The following FBXO33 variants were observed in gnomAD, a reference collection of about 807,000 sequenced individuals.
FBXO33 encodes the protein F-box protein 33.
In FBXO33, 22 loss-of-function variants were observed where a neutral mutation model predicts 46.3. The ratio of observed to expected loss-of-function variants is 0.48; its 90% CI spans 0.34 to 0.68. The LOEUF (loss-of-function observed/expected upper bound fraction) is 0.68, where lower values mean the gene tolerates loss of function less well. Among genes scored for constraint, FBXO33 ranks in the 30% least tolerant of loss-of-function variants. FBXO33 has a pLI of 0.01. For missense variants in FBXO33, 692 were observed against 708.8 expected (o/e 0.98, Z 0.27); for synonymous variants, 337 against 291.3 (o/e 1.16, Z -1.60).
At chr14:39,422,985 G>A (rs2075492671) in intron 1 of FBXO33, among the ~76,000 whole-genome samples, 1 of 152,098 alleles carries the variant, frequency 6.6e-6, no homozygotes, top group Non-Finnish European at 1.5e-5. Flanking sequence ...AGCTAGGTGT[G>A]GTGGCGTGTG....
chr14:39,421,301 C>G (rs2075481904), intron 1 of FBXO33, among the ~76,000 whole-genome samples: 1 of 152,172 alleles, frequency 6.6e-6, no homozygotes, highest in African/African-American at 2.4e-5. Context: ...CTTATTTCTT[C>G]CCTTTTTTTG....
intron 1 of FBXO33, 93 bp downstream of exon 1, chr14:39,431,471 G>T: frequency 6.4e-7 from 1 of 1,573,680 alleles, no homozygotes; most frequent in East Asian, 2.3e-5. Context: ...ACTGAAGTTG[G>T]CCGGGCACGT....
At chr14:39,422,522 TCCTTACAAGAG>T (rs1183573455) in intron 1 of FBXO33, among the ~76,000 whole-genome samples, 1 of 152,338 alleles carries the variant, frequency 6.6e-6, no homozygotes, top group Admixed American at 6.5e-5. Flanking sequence ...AAAGTCAAAG[TCCTTACAAGAG>T]CCTCACAAGT....
At chr14:39,419,547 A>C (rs2075469830) in intron 1 of FBXO33, among the ~76,000 whole-genome samples, 1 of 152,154 alleles carries the variant, frequency 6.6e-6, no homozygotes, top group East Asian at 1.9e-4. Flanking sequence ...TGTGGTAATA[A>C]ACAGATGTCT....
intron 1 of FBXO33, among the ~76,000 whole-genome samples, chr14:39,431,090 T>G (rs2075544624): frequency 6.6e-6 from 1 of 152,214 alleles, no homozygotes; most frequent in African/African-American, 2.4e-5. Context: ...AGAAAATGGC[T>G]GTTACAAAAT....
intron 1 of FBXO33, among the ~76,000 whole-genome samples, chr14:39,410,444 G>A (rs1316851800): frequency 3.3e-5 from 5 of 152,130 alleles, no homozygotes; most frequent in African/African-American, 7.2e-5. Flanking sequence ...ATTTGTTGAG[G>A]ATTTTGGTAT....
chr14:39,422,122 G>A (rs922830165), intron 1 of FBXO33, among the ~76,000 whole-genome samples: 1 of 152,152 alleles, frequency 6.6e-6, no homozygotes, highest in African/African-American at 2.4e-5. Flanking sequence ...GTCAGGCCTG[G>A]TGGCGTGTGC....
intron 1 of FBXO33, among the ~76,000 whole-genome samples, chr14:39,404,977 T>C (rs2075387257): frequency 6.6e-6 from 1 of 151,920 alleles, no homozygotes; most frequent in African/African-American, 2.4e-5. Context: ...TGAAACCCCA[T>C]GTCTAATAAA....
At chr14:39,406,416 C>T (rs2075398638) in intron 1 of FBXO33, among the ~76,000 whole-genome samples, 1 of 152,130 alleles carries the variant, frequency 6.6e-6, no homozygotes, top group Non-Finnish European at 1.5e-5. Context: ...AACGGCCTTC[C>T]CTCTGTAAAC....
At chr14:39,425,979 T>C (rs767825744) in intron 1 of FBXO33, among the ~76,000 whole-genome samples, 1 of 152,156 alleles carries the variant, frequency 6.6e-6, no homozygotes, top group African/African-American at 2.4e-5. Flanking sequence ...CCAGAAGTTA[T>C]TTCCCAGAAC....
At chr14:39,402,276 A>C (rs2075372220) in intron 2 of FBXO33, 125 bp downstream of exon 2, 1 of 474,074 alleles carries the variant, frequency 2.1e-6, no homozygotes, top group African/African-American at 2.0e-5. Context: ...CACCATTAAA[A>C]CATTTCCAGG....
intron 1 of FBXO33, among the ~76,000 whole-genome samples, chr14:39,421,352 A>T (rs1011330355): frequency 5.9e-5 from 9 of 152,164 alleles, no homozygotes; most frequent in Admixed American, 6.5e-5. Context: ...CTACATGGAA[A>T]GACATATTTA....
chr14:39,404,980 C>CT (rs1224303449), intron 1 of FBXO33, among the ~76,000 whole-genome samples: 2 of 151,792 alleles, frequency 1.3e-5, no homozygotes. Flanking sequence ...AACCCCATGT[C>CT]TAATAAAAAT....
At chr14:39,412,442 T>A (rs1216172508) in intron 1 of FBXO33, among the ~76,000 whole-genome samples, 2 of 152,228 alleles carry the variant, frequency 1.3e-5, no homozygotes, top group Non-Finnish European at 2.9e-5. Flanking sequence ...GTATTTGTCC[T>A]TAAAGCTGAG....
At chr14:39,404,874 C>T (rs976260802) in intron 1 of FBXO33, among the ~76,000 whole-genome samples, 3 of 151,678 alleles carry the variant, frequency 2.0e-5, no homozygotes, top group Admixed American at 6.6e-5. Flanking sequence ...ATAGGCTGGG[C>T]GCGGTGGCTC....
At chr14:39,418,046 A>G (rs995704622) in intron 1 of FBXO33, among the ~76,000 whole-genome samples, 6 of 151,334 alleles carry the variant, frequency 4.0e-5, no homozygotes, top group African/African-American at 1.5e-4. Context: ...TTTTTTTTGT[A>G]ATTTTCAAAT....
intron 1 of FBXO33, among the ~76,000 whole-genome samples, chr14:39,417,492 G>A (rs1226805111): frequency 1.3e-5 from 2 of 152,116 alleles, no homozygotes; most frequent in Admixed American, 6.5e-5. Flanking sequence ...CTTATTAACT[G>A]GATTCTGCAT....
rs2075349301 is a variant in FBXO33 at position 39,397,710 on chromosome 14, C to T, written c.*1806G>A. On this transcript the variant is annotated 3_prime_UTR_variant, in exon 4 of 4. Transcript: ENST00000298097. Reference sequence around the variant, plus strand: ...AAGGATTATTGCAGTTTATTTAACACTAAAAGTAGTCATGCTTCATATACA... The same window carrying T: ...AAGGATTATTGCAGTTTATTTAACATTAAAAGTAGTCATGCTTCATATACA... The T allele has an allele frequency of 6.6e-6, 1 of 152,598 alleles. No individual in the cohort carries two copies. The highest frequency in any genetic ancestry group is 2.1e-4 in the South Asian group (1 of 4,830). The allele number at this position is 152,598 out of a possible 1,614,324, so 9.5% of individuals were successfully genotyped here. A position where few individuals can be genotyped will look rare whatever the true frequency, so the allele number is the denominator to read the frequency against.
chr14:39,412,044 T>C (rs1280055499), intron 1 of FBXO33, among the ~76,000 whole-genome samples: 1 of 152,200 alleles, frequency 6.6e-6, no homozygotes, highest in Non-Finnish European at 1.5e-5. Flanking sequence ...TGTTGTTGGA[T>C]GGAATGTTCT....
Sources: allele counts gnomAD v4.1 joint callset (sites outside exome capture counted in the v4.1 genomes callset), GRCh38; gene constraint gnomAD v4.1.1; transcripts MANE v1.5; gene names NCBI Gene and HGNC (gene_info 2026-07-23, HGNC 2026-07-21).